The following GCKR variants were observed in gnomAD, a reference collection of about 807,000 sequenced individuals.
GCKR encodes the protein glucokinase regulator.
GCKR carries 73 observed loss-of-function variants against 82.9 expected under a neutral mutation model. The observed-to-expected ratio is 0.88, with a 90% CI of 0.73 to 1.07. The LOEUF (loss-of-function observed/expected upper bound fraction) is 1.07, where lower values mean the gene tolerates loss of function less well. Ranked by LOEUF, GCKR falls within the 50% of genes least tolerant of loss-of-function variation. The pLI, the probability that GCKR is intolerant of heterozygous loss-of-function variation, is 0.00. For missense variants in GCKR, 784 were observed against 782.1 expected (o/e 1.00, Z -0.03); for synonymous variants, 294 against 291.8 (o/e 1.01, Z -0.08).
chr2:27,497,276 G>A lies in GCKR; in HGVS notation c.93G>A (p.Thr31=), dbSNP rs140661297. The change falls in exon 2 of 19, where the codon ACG becomes ACA. Residue 31 remains threonine (T), a synonymous_variant. Coordinates refer to ENST00000264717, the MANE Select transcript of GCKR (RefSeq NM_001486.4). ...LSGYEAAVPI[T]EKSNPLTQDL... is the part of the protein sequence containing the mutation. The stretch of plus-strand genomic sequence containing the variant: ...GGTACGAGGCAGCTGTGCCAATCAC[G>A]GAGAAGTCAAACCCACTGACCCAGG... 34 of 1,614,018 alleles carry A rather than the reference G, an allele frequency of 2.1e-5. No individual in the cohort carries two copies. Among genetic ancestry groups the A allele is most frequent in the African/African-American group, 4.0e-5 (3 of 74,906 alleles).
In GCKR at chr2:27,508,219, C is replaced by T. The variant is rs375656037; in HGVS notation, c.1390C>T (p.Leu464Phe). The T allele has an allele frequency of 3.1e-6, 5 of 1,611,010 alleles. No homozygotes were observed. Among genetic ancestry groups the T allele is most frequent in the Non-Finnish European group, 4.2e-6 (5 of 1,177,282 alleles). The change falls in exon 16 of 19, where the codon CTT becomes TTT. Residue 464 changes from leucine to phenylalanine, a missense_variant. Transcript: ENST00000264717. The stretch of plus-strand genomic sequence containing the variant: ...CATCATCAGCATCACATGGCCACTG[C>T]TTTTCTTTGAATATGAAGGGAACTT... ...PSIISITWPL[L>F]FFEYEGNFIQ...
At chr2:27,499,306 T>A (rs1386332525) in intron 6 of GCKR, 91 bp from the exon 7 acceptor site, 20 of 1,342,730 alleles carry the variant, frequency 1.5e-5, no homozygotes, top group Non-Finnish European at 2.1e-5. Flanking sequence ...ATTTCCTCCC[T>A]CCCCTGTTCC....
intron 16 of GCKR, among the ~76,000 whole-genome samples, chr2:27,513,538 A>T (rs1558440649): frequency 6.6e-6 from 1 of 151,610 alleles, no homozygotes; most frequent in Admixed American, 6.6e-5. Context: ...AAAAAAAAAA[A>T]AAAGAAAGAA....
chr2:27,511,159 C>G (rs1374309865), intron 16 of GCKR, among the ~76,000 whole-genome samples: 1 of 152,056 alleles, frequency 6.6e-6, no homozygotes, highest in Non-Finnish European at 1.5e-5. Flanking sequence ...TCCTGAGTAG[C>G]TGGGATTACA....
In GCKR at chr2:27,501,231, T is replaced by C; in HGVS notation, c.644+2T>C. 6.2e-7 allele frequency: 1 copy of C among 1,603,476 alleles called. No homozygotes were observed. On this transcript the variant is annotated splice_donor_variant, in intron 8 of 18. Coordinates refer to ENST00000264717, the MANE Select transcript of GCKR (RefSeq NM_001486.4). LOFTEE classifies it high-confidence loss of function. ...CTTCAATCCAGTGAGCATGGCCAGG[T>C]GAGCCTTCTGGAATGACTGGGCAGC...
rs1669450916 is a variant in GCKR, at chr2:27,497,692, G to A, written c.285+62G>A. On this transcript the variant is annotated intron_variant, in intron 3 of 18. Coordinates refer to ENST00000264717, the MANE Select transcript of GCKR (RefSeq NM_001486.4). ...CTGTTTCCCTCTTTCTCTTTTTACT[G>A]TCTCTATTTCTCACTTTGATAGATC... 1.7e-5 allele frequency: 17 copies of A among 1,005,256 alleles called. No homozygotes were observed. In the South Asian group the frequency reaches 2.2e-4, roughly 13 times the overall value. The allele number at this position is 1,005,256 out of a possible 1,614,324, so 62.3% of individuals were successfully genotyped here. A position where few individuals can be genotyped will look rare whatever the true frequency, so the allele number is the denominator to read the frequency against.
intron 16 of GCKR, among the ~76,000 whole-genome samples, chr2:27,516,963 G>A (rs1237151183): frequency 6.6e-6 from 1 of 150,902 alleles, no homozygotes; most frequent in Non-Finnish European, 1.5e-5. Context: ...AGAGGTAAAA[G>A]TAGCAGTAGC....
At chr2:27,510,662 G>A (rs1040163361) in intron 16 of GCKR, among the ~76,000 whole-genome samples, 4 of 152,140 alleles carry the variant, frequency 2.6e-5, no homozygotes, top group Non-Finnish European at 5.9e-5. Context: ...AATCAGTAAA[G>A]CAACAAAAGG....
chr2:27,518,949 A>G lies in GCKR; in HGVS notation c.1572+12A>G. On this transcript the variant is annotated intron_variant, in intron 17 of 18. Coordinates refer to ENST00000264717, the MANE Select transcript of GCKR (RefSeq NM_001486.4). ...TGGCCATGCTGCAGGTAGGGATATGATGGGGCAGGGTTGGGTGGGACCTGG... is the reference window on the plus strand; with the variant it reads ...TGGCCATGCTGCAGGTAGGGATATGGTGGGGCAGGGTTGGGTGGGACCTGG... 6.0e-6 allele frequency: 4 copies of G among 663,682 alleles called. No homozygotes were observed. Among genetic ancestry groups the G allele is most frequent in the Non-Finnish European group, 5.4e-6 (2 of 371,770 alleles). 41.1% of individuals were successfully genotyped at this position (663,682 alleles called of 1,614,324 possible).
intron 16 of GCKR, among the ~76,000 whole-genome samples, chr2:27,513,399 G>A (rs529803277): frequency 2.2e-4 from 33 of 152,068 alleles, no homozygotes; most frequent in African/African-American, 8.0e-4. Flanking sequence ...GTGTGGTGGT[G>A]TGCACCTGTA....
intron 11 of GCKR, 46 bp downstream of exon 11, chr2:27,506,625 A>G: frequency 7.6e-7 from 1 of 1,322,938 alleles, no homozygotes; most frequent in South Asian, 1.2e-5. Flanking sequence ...CCGGATGGAG[A>G]ATACTGAGAG....
chr2:27,502,702 G>A (rs1208317453), intron 8 of GCKR, among the ~76,000 whole-genome samples: 2 of 152,126 alleles, frequency 1.3e-5, no homozygotes, highest in Admixed American at 6.5e-5. Flanking sequence ...AAACTTGTCT[G>A]CCCTAGAAGT....
At position 27,499,378 on chromosome 2, in the gene GCKR, G is replaced by T. The variant is rs772068432; in HGVS notation, c.496-19G>T. 3.1e-6 allele frequency: 5 copies of T among 1,598,458 alleles called. No individual in the cohort carries two copies. The highest frequency in any genetic ancestry group is 4.3e-6 in the Non-Finnish European group (5 of 1,165,686). On this transcript the variant is annotated intron_variant, in intron 6 of 18. Coordinates refer to ENST00000264717, the MANE Select transcript of GCKR (RefSeq NM_001486.4). Reference sequence around the variant, plus strand: ...GGAATCCTCCCAGTTACACTACCTTGTCCATCCTCCTCTCCTAGGTGGCTG... The same window carrying T: ...GGAATCCTCCCAGTTACACTACCTTTTCCATCCTCCTCTCCTAGGTGGCTG...
chr2:27,510,374 C>T (rs1349408190), intron 16 of GCKR, among the ~76,000 whole-genome samples: 1 of 152,130 alleles, frequency 6.6e-6, no homozygotes, highest in Non-Finnish European at 1.5e-5. Flanking sequence ...TTGTTTAACT[C>T]CGATTATCAG....
intron 11 of GCKR, 54 bp downstream of exon 11, chr2:27,506,633 G>C (rs1451443997): frequency 1.6e-6 from 2 of 1,278,588 alleles, no homozygotes; most frequent in African/African-American, 1.5e-5. Flanking sequence ...AGAATACTGA[G>C]AGCAGGGAGA....
intron 7 of GCKR, among the ~76,000 whole-genome samples, chr2:27,500,854 A>G (rs1218396450): frequency 6.6e-6 from 1 of 152,262 alleles, no homozygotes; most frequent in African/African-American, 2.4e-5. Context: ...GCACACAAAG[A>G]GAAGAGGATA....
chr2:27,498,170 C>T, intron 3 of GCKR, 85 bp from the exon 4 acceptor site: 1 of 1,030,496 alleles, frequency 9.7e-7, no homozygotes, highest in Non-Finnish European at 1.5e-6. Flanking sequence ...CTTTCCAATT[C>T]CTCTTGCATT....
At position 27,518,806 on chromosome 2, in the gene GCKR, A is replaced by C. The variant is rs1349896646; in HGVS notation, c.1441A>C (p.Ser481Arg). 1 of 1,613,796 alleles carries C rather than the reference A, an allele frequency of 6.2e-7. No individual in the cohort carries two copies. Among genetic ancestry groups the C allele is most frequent in the South Asian group, 1.1e-5 (1 of 91,084 alleles). The change falls in exon 17 of 19, where the codon AGC becomes CGC. Residue 481 changes from serine (S) to arginine (R), a missense_variant. Ser to Arg is a moderately radical substitution (Grantham distance 110). Coordinates refer to ENST00000264717, the MANE Select transcript of GCKR (RefSeq NM_001486.4). ...TTTTCAGAAGTTCCAGCGTGAGCTAAGCACCAAATGGGTGCTGAATACAGT... is the reference window on the plus strand; with the variant it reads ...TTTTCAGAAGTTCCAGCGTGAGCTACGCACCAAATGGGTGCTGAATACAGT... Reference protein sequence around the residue: ...NFIQKFQRELSTKWVLNTVST... With the variant: ...NFIQKFQRELRTKWVLNTVST...
Position 27,501,123 on chromosome 2 carries a change from C to G in GCKR, c.550-12C>G, listed in dbSNP as rs757461068. The G allele has an allele frequency of 6.3e-7, 1 of 1,596,348 alleles. No individual in the cohort carries two copies. Among genetic ancestry groups the G allele is most frequent in the Non-Finnish European group, 8.6e-7 (1 of 1,163,642 alleles). ...ACCCCCTCATCATGCCCTTCTCTCT[C>G]TTCACCATCAGGCTCCCTTTGTGGC... is the stretch of plus-strand genomic sequence containing the variant. On this transcript the variant is annotated splice_polypyrimidine_tract_variant and intron_variant, in intron 7 of 18. Transcript: ENST00000264717.
Sources: allele counts gnomAD v4.1 joint callset (sites outside exome capture counted in the v4.1 genomes callset), GRCh38; gene constraint gnomAD v4.1.1; transcripts MANE v1.5; gene names NCBI Gene and HGNC (gene_info 2026-07-23, HGNC 2026-07-21).